The following SLC16A9 variants were observed in gnomAD, a reference collection of about 807,000 sequenced individuals.
The protein encoded by SLC16A9 is solute carrier family 16 member 9.
In SLC16A9, 26 loss-of-function variants were observed where a neutral mutation model predicts 44.3. That is an observed-to-expected ratio of 0.59 (90% CI 0.43 to 0.81). The LOEUF is 0.81. SLC16A9 is among the 40% of genes least tolerant of loss of function. The pLI is 0.00. For missense variants in SLC16A9, 559 were observed against 595.8 expected, an observed-to-expected ratio of 0.94 and a Z score of 0.64; for synonymous variants, 230 against 225.1, an observed-to-expected ratio of 1.02 and a Z score of -0.19.
At chr10:59,677,698 GA>G (rs1267396529) in intron 2 of SLC16A9, among the ~76,000 whole-genome samples, 1 of 152,144 alleles carries the variant, frequency 6.6e-6, no homozygotes, top group Admixed American at 6.5e-5. Context: ...ACTAGGCTGC[GA>G]AGTATGGTTA....
intron 4 of SLC16A9, among the ~76,000 whole-genome samples, chr10:59,661,295 C>T (rs1387419660): frequency 6.6e-6 from 1 of 152,212 alleles, no homozygotes; most frequent in Non-Finnish European, 1.5e-5. Flanking sequence ...TGATAAGAAA[C>T]TTCAGCAAAG....
At chr10:59,678,871 G>A (rs1488204248) in intron 2 of SLC16A9, among the ~76,000 whole-genome samples, 2 of 151,994 alleles carry the variant, frequency 1.3e-5, no homozygotes, top group Non-Finnish European at 2.9e-5. Context: ...TAGCACACTG[G>A]GAACCTGCCA....
At position 59,673,527 on chromosome 10, in the gene SLC16A9, G is replaced by A. The variant is rs568774164; in HGVS notation, c.197-614C>T. On this transcript the variant is annotated intron_variant, in intron 2 of 5. Transcript: ENST00000395348. ...TCATTTAACATGGAAGGAAACTGAA[G>A]CTCAAATAAGCTGTTCAAGTCAATG... 6.6e-5 allele frequency among the ~76,000 whole-genome samples: 10 copies of A among 152,322 alleles called. No individual in the cohort carries two copies. The South Asian group carries it at 2.1e-3, about 32-fold the overall frequency.
At chr10:59,690,227 G>A (rs1840222385) in intron 1 of SLC16A9, among the ~76,000 whole-genome samples, 1 of 152,118 alleles carries the variant, frequency 6.6e-6, no homozygotes, top group Admixed American at 6.6e-5. Flanking sequence ...TATTCAAAAT[G>A]TTCTTGATCA....
intron 4 of SLC16A9, among the ~76,000 whole-genome samples, chr10:59,663,916 G>C (rs1190017185): frequency 1.3e-5 from 2 of 151,134 alleles, no homozygotes; most frequent in Non-Finnish European, 2.9e-5. Flanking sequence ...GACAATGATA[G>C]GTGTCCATGT....
intron 4 of SLC16A9, among the ~76,000 whole-genome samples, chr10:59,658,644 T>C (rs1290793138): frequency 6.6e-6 from 1 of 152,200 alleles, no homozygotes; most frequent in Non-Finnish European, 1.5e-5. Flanking sequence ...CTTCCCACAC[T>C]TGTGGAAGAT....
intron 3 of SLC16A9, among the ~76,000 whole-genome samples, chr10:59,672,566 T>A (rs1839773830): frequency 6.6e-6 from 1 of 152,198 alleles, no homozygotes; most frequent in Non-Finnish European, 1.5e-5. Flanking sequence ...AGACAGAGTA[T>A]GGATTGTTTG....
Position 59,652,597 on chromosome 10 carries a change from C to A in SLC16A9, c.*175G>T. The A allele has an allele frequency of 1.8e-6, 1 of 558,744 alleles. No homozygotes were observed. 34.6% of individuals were successfully genotyped at this position (558,744 alleles called of 1,614,324 possible). A position where few individuals can be genotyped will look rare whatever the true frequency, so the allele number is the denominator to read the frequency against. ...AAAAAAATACGAGATAGAGGCTACGCATACACTACATAAAAAATAGGATAT... is the reference window on the plus strand; with the variant it reads ...AAAAAAATACGAGATAGAGGCTACGAATACACTACATAAAAAATAGGATAT... On this transcript the variant is annotated 3_prime_UTR_variant, in exon 6 of 6. Transcript: ENST00000395348.
intron 2 of SLC16A9, among the ~76,000 whole-genome samples, chr10:59,676,204 TC>T (rs1462195949): frequency 4.6e-5 from 7 of 151,898 alleles, no homozygotes; most frequent in African/African-American, 7.2e-5. Flanking sequence ...TTTACCCTTA[TC>T]CTTAGAACCT....
chr10:59,686,893 C>G (rs1840146769), intron 1 of SLC16A9, among the ~76,000 whole-genome samples: 8 of 152,148 alleles, frequency 5.3e-5, no homozygotes, highest in Admixed American at 5.2e-4. Flanking sequence ...TCCAGTTGTA[C>G]TGCAAGACCA....
intron 1 of SLC16A9, among the ~76,000 whole-genome samples, chr10:59,700,343 A>T (rs1194488722): frequency 6.6e-6 from 1 of 152,216 alleles, no homozygotes; most frequent in East Asian, 1.9e-4. Context: ...AGCACTGCAC[A>T]GTCAAGTTCA....
At chr10:59,662,503 C>A (rs551110065) in intron 4 of SLC16A9, among the ~76,000 whole-genome samples, 1 of 151,318 alleles carries the variant, frequency 6.6e-6, no homozygotes. Flanking sequence ...GGCGTGGTGG[C>A]AGGCACCTGT....
intron 1 of SLC16A9, among the ~76,000 whole-genome samples, chr10:59,706,320 C>T: frequency 6.6e-6 from 1 of 152,096 alleles, no homozygotes; most frequent in Non-Finnish European, 1.5e-5. Flanking sequence ...ACTTTGGTGT[C>T]TGCCAAGAAC....
chr10:59,653,049 T>A (rs1448750971), intron 5 of SLC16A9, 99 bp from the exon 6 acceptor site: 2 of 819,314 alleles, frequency 2.4e-6, no homozygotes, highest in Non-Finnish European at 3.6e-6. Context: ...TTATAATTAG[T>A]ATATATATTA....
intron 1 of SLC16A9, among the ~76,000 whole-genome samples, chr10:59,708,998 G>A (rs899675888): frequency 6.6e-6 from 1 of 152,322 alleles, no homozygotes; most frequent in African/African-American, 2.4e-5. Flanking sequence ...AGTACCCGCG[G>A]CGCCCCATTC....
chr10:59,671,277 T>C (rs1378834754), intron 3 of SLC16A9, among the ~76,000 whole-genome samples: 1 of 152,048 alleles, frequency 6.6e-6, no homozygotes, highest in African/African-American at 2.4e-5. Flanking sequence ...ATCCACTAAA[T>C]GAAGGAAAGG....
intron 4 of SLC16A9, among the ~76,000 whole-genome samples, chr10:59,657,623 C>G (rs1014823885): frequency 6.6e-6 from 1 of 152,170 alleles, no homozygotes; most frequent in Non-Finnish European, 1.5e-5. Flanking sequence ...CCTCTCAAGA[C>G]TGAGTGAAAA....
At chr10:59,672,009 T>C (rs1024542940) in intron 3 of SLC16A9, among the ~76,000 whole-genome samples, 2 of 152,188 alleles carry the variant, frequency 1.3e-5, no homozygotes, top group Admixed American at 6.5e-5. Flanking sequence ...AAAGGAATAT[T>C]GGTAGTCAAT....
At chr10:59,696,011 G>A (rs950021469) in intron 1 of SLC16A9, among the ~76,000 whole-genome samples, 41 of 152,196 alleles carry the variant, frequency 2.7e-4, no homozygotes, top group African/African-American at 8.7e-4. Context: ...TAGGAACTGA[G>A]TAATGTTAAG....
Sources: allele counts gnomAD v4.1 joint callset (sites outside exome capture counted in the v4.1 genomes callset), GRCh38; gene constraint gnomAD v4.1.1; transcripts MANE v1.5; gene names NCBI Gene and HGNC (gene_info 2026-07-23, HGNC 2026-07-21).